Variants in DPF3 observed in about 807,000 individuals in gnomAD.
The protein encoded by DPF3 is zinc finger protein DPF3.
A neutral mutation model predicts 56.8 loss-of-function variants in DPF3; 18 were observed. That is an observed-to-expected ratio of 0.32 (90% confidence interval 0.22 to 0.47). The LOEUF is 0.47. Ranked by LOEUF, DPF3 falls within the 20% of genes least tolerant of loss-of-function variation. The probability of loss-of-function intolerance (pLI) is 1.00; values close to 1 mark genes in which losing one functional copy is unlikely to be tolerated. For synonymous variants in DPF3, 188 were observed against 180.2 expected (o/e 1.04, Z -0.35); for missense variants, 403 against 488.8 (o/e 0.82, Z 1.65).
At chr14:72,734,211 C>T (rs374792585) in intron 3 of DPF3, among the ~76,000 whole-genome samples, 3 of 152,102 alleles carry the variant, frequency 2.0e-5, no homozygotes, top group East Asian at 1.9e-4. Flanking sequence ...AATGCAATTA[C>T]GAATTGTCGT....
At chr14:72,630,715 A>G (rs2526924) in intron 8 of DPF3, among the ~76,000 whole-genome samples, 19,005 of 152,204 alleles carry the variant, frequency 0.12, 2,217 homozygotes, top group African/African-American at 0.29. Context: ...TCTGCCCAGA[A>G]CACCCAGGGC....
At chr14:72,861,350 A>C (rs1181201263) in intron 1 of DPF3, among the ~76,000 whole-genome samples, 4 of 152,176 alleles carry the variant, frequency 2.6e-5, no homozygotes, top group Non-Finnish European at 5.9e-5. Context: ...TGTCTTATTT[A>C]ATTCATTTGC....
chr14:72,816,721 T>C (rs1190742051), intron 1 of DPF3, among the ~76,000 whole-genome samples: 2 of 152,160 alleles, frequency 1.3e-5, no homozygotes, highest in East Asian at 3.8e-4. Flanking sequence ...ACTGTTCTGA[T>C]TATACTCTCA....
Position 72,838,792 on chromosome 14 carries a change from G to A in DPF3, c.32+55265C>T, listed in dbSNP as rs1884413196. 1.3e-5 allele frequency among the ~76,000 whole-genome samples: 2 copies of A among 150,310 alleles called. 1 individual carries two copies. The highest frequency in any genetic ancestry group is 4.2e-4 in the South Asian group (2 of 4,784). ...AAGGCAATTACTGTTGGCATCAGCA[G>A]CACAGTTGTTTTCAGCCAAAACTTA... On this transcript the variant is annotated intron_variant, in intron 1 of 10. Coordinates refer to ENST00000556509, the MANE Select transcript of DPF3 (RefSeq NM_001280542.3).
chr14:72,891,979 C>A (rs1239508512), intron 1 of DPF3, among the ~76,000 whole-genome samples: 10 of 152,218 alleles, frequency 6.6e-5, no homozygotes. Context: ...TCCCTTCCCC[C>A]ACCCTTAACC....
At chr14:72,824,565 G>C (rs202106163) in intron 1 of DPF3, among the ~76,000 whole-genome samples, 2 of 84,960 alleles carry the variant, frequency 2.4e-5, no homozygotes, top group Non-Finnish European at 5.2e-5. Context: ...TTTTTTTTTT[G>C]TTTGTTTGTT....
intron 1 of DPF3, among the ~76,000 whole-genome samples, chr14:72,821,089 A>ACG (rs1386384559): frequency 6.6e-6 from 1 of 150,396 alleles, no homozygotes; most frequent in African/African-American, 2.4e-5. Context: ...AGCTGTGATC[A>ACG]CGCCACTGTA....
At chr14:72,793,534 A>T (rs982179396) in intron 1 of DPF3, among the ~76,000 whole-genome samples, 2 of 152,222 alleles carry the variant, frequency 1.3e-5, no homozygotes, top group Non-Finnish European at 2.9e-5. Flanking sequence ...CTTCATGCTA[A>T]GTTTATCTCC....
At chr14:72,634,303 C>T (rs987983510) in intron 8 of DPF3, among the ~76,000 whole-genome samples, 2 of 152,134 alleles carry the variant, frequency 1.3e-5, no homozygotes, top group Admixed American at 6.5e-5. Context: ...TTTGCTCCTG[C>T]GCCTTTCTCC....
chr14:72,717,858 C>T (rs1215034899), intron 5 of DPF3, among the ~76,000 whole-genome samples: 1 of 152,192 alleles, frequency 6.6e-6, no homozygotes, highest in Non-Finnish European at 1.5e-5. Flanking sequence ...CCAAGAACTG[C>T]CCACCCTACT....
chr14:72,652,850 G>T lies in DPF3; in HGVS notation c.871+21390C>A, dbSNP rs186829907. Among the ~76,000 whole-genome samples the T allele has an allele frequency of 1.2e-4, 19 of 152,330 alleles. No individual in the cohort carries two copies. In the East Asian group the frequency reaches 2.5e-3, roughly 20 times the overall value. ...ACAAGAGGGAGTTTGCAAGGGTTGG[G>T]TGAGACCACGCTGTACAAGGCCCAG... On this transcript the variant is annotated intron_variant, in intron 8 of 10. Coordinates refer to ENST00000556509, the MANE Select transcript of DPF3 (RefSeq NM_001280542.3).
intron 8 of DPF3, among the ~76,000 whole-genome samples, chr14:72,642,030 C>T (rs1885579280): frequency 6.6e-6 from 1 of 152,234 alleles, no homozygotes; most frequent in African/African-American, 2.4e-5. Context: ...CAGCAAAGAA[C>T]TGAGACTCTC....
intron 2 of DPF3, among the ~76,000 whole-genome samples, chr14:72,771,253 T>C (rs1253837781): frequency 6.6e-6 from 1 of 152,176 alleles, no homozygotes; most frequent in Non-Finnish European, 1.5e-5. Flanking sequence ...TTAAGAGTTT[T>C]TATAAATTTT....
chr14:72,841,644 A>G (rs1475642555), intron 1 of DPF3, among the ~76,000 whole-genome samples: 1 of 152,202 alleles, frequency 6.6e-6, no homozygotes, highest in East Asian at 1.9e-4. Flanking sequence ...AGCAGTTCTA[A>G]AAGACTTTCA....
At chr14:72,791,483 G>A (rs567014549) in intron 1 of DPF3, among the ~76,000 whole-genome samples, 2 of 152,372 alleles carry the variant, frequency 1.3e-5, no homozygotes, top group East Asian at 1.9e-4. Context: ...AGCCCAGCAA[G>A]CCCACAGCAA....
intron 4 of DPF3, among the ~76,000 whole-genome samples, chr14:72,731,197 G>GAAAAA (rs200484588): frequency 0.011 from 1,626 of 152,162 alleles, 29 homozygotes; most frequent in African/African-American, 0.037. Context: ...AAAAGAAAAA[G>GAAAAA]AAACGGTAGG....
At chr14:72,738,495 C>G (rs1889992760) in intron 3 of DPF3, among the ~76,000 whole-genome samples, 1 of 151,910 alleles carries the variant, frequency 6.6e-6, no homozygotes, top group Non-Finnish European at 1.5e-5. Flanking sequence ...CCCCGAGATA[C>G]AGAAAAACAC....
intron 1 of DPF3, among the ~76,000 whole-genome samples, chr14:72,798,424 A>G (rs986662019): frequency 2.6e-5 from 4 of 152,102 alleles, no homozygotes; most frequent in African/African-American, 9.7e-5. Context: ...TTTTCAACAT[A>G]CATACATACA....
chr14:72,676,206 G>C (rs1567197238), intron 7 of DPF3, among the ~76,000 whole-genome samples: 1 of 152,168 alleles, frequency 6.6e-6, no homozygotes, highest in Non-Finnish European at 1.5e-5. Flanking sequence ...TGTCATGATT[G>C]ATATGAGCTA....
Sources: gnomAD v4.1 joint callset for allele counts (sites outside exome capture counted in the v4.1 genomes callset) on GRCh38, gnomAD v4.1.1 for gene constraint, MANE v1.5 for transcripts, NCBI Gene and HGNC (gene_info 2026-07-23, HGNC 2026-07-21) for gene names.